Variants in DPYD observed in about 807,000 individuals in gnomAD.
DPYD encodes dihydropyrimidine dehydrogenase.
Under a neutral mutation model 116.2 loss-of-function variants are expected in DPYD, and 109 were observed. That is an observed-to-expected ratio of 0.94 (90% CI 0.80 to 1.10). The LOEUF (loss-of-function observed/expected upper bound fraction) is 1.10. DPYD is among the 50% of genes least tolerant of loss of function. The probability of loss-of-function intolerance (pLI) is 0.00; values close to 1 mark genes in which losing one functional copy is unlikely to be tolerated. For synonymous variants in DPYD, 440 were observed against 432.0 expected (o/e 1.02, Z -0.23); for missense variants, 1,302 against 1,254.5 (o/e 1.04, Z -0.57).
intron 2 of DPYD, among the ~76,000 whole-genome samples, chr1:97,868,638 C>T (rs1368785240): frequency 5.3e-5 from 8 of 151,656 alleles, no homozygotes. Context: ...TTCTATTTAA[C>T]AGTGAAAGAA....
chr1:97,171,889 T>C lies in DPYD; in HGVS notation c.2622+21180A>G, dbSNP rs932585542. Among the ~76,000 whole-genome samples, 5 of 152,280 alleles carry C rather than the reference T, an allele frequency of 3.3e-5. No individual in the cohort carries two copies. In the South Asian group the frequency reaches 1.0e-3, roughly 32 times the overall value. The stretch of plus-strand genomic sequence containing the variant: ...GGCTGTGCATTTCATGGGTGCAGTT[T>C]ATAGGCATCACCTGCAACTAGAATA... On this transcript the variant is annotated intron_variant, in intron 20 of 22. Coordinates refer to ENST00000370192, the MANE Select transcript of DPYD (RefSeq NM_000110.4).
intron 8 of DPYD, among the ~76,000 whole-genome samples, chr1:97,630,987 A>G (rs1209198661): frequency 1.3e-5 from 2 of 152,128 alleles, no homozygotes; most frequent in African/African-American, 4.8e-5. Context: ...GTTTCATTCC[A>G]GGTCCTCTAA....
At chr1:97,184,744 CTT>C (rs1323825691) in intron 20 of DPYD, among the ~76,000 whole-genome samples, 3 of 151,928 alleles carry the variant, frequency 2.0e-5, no homozygotes, top group African/African-American at 7.2e-5. Flanking sequence ...TATTATGAAA[CTT>C]TGTTAAATTC....
At chr1:97,399,681 T>G (rs1673244256) in intron 14 of DPYD, among the ~76,000 whole-genome samples, 1 of 152,104 alleles carries the variant, frequency 6.6e-6, no homozygotes, top group South Asian at 2.1e-4. Flanking sequence ...GTAAGTTGGA[T>G]TCCTAGGTAT....
chr1:97,848,184 G>C (rs567057356), intron 2 of DPYD, among the ~76,000 whole-genome samples: 1 of 152,012 alleles, frequency 6.6e-6, no homozygotes, highest in Non-Finnish European at 1.5e-5. Flanking sequence ...TGCAAGCTCC[G>C]CCTCCCGGGT....
chr1:97,465,161 T>C (rs1677246014), intron 13 of DPYD, among the ~76,000 whole-genome samples: 1 of 152,190 alleles, frequency 6.6e-6, no homozygotes, highest in Non-Finnish European at 1.5e-5. Flanking sequence ...TGTAGTCCCT[T>C]TGTTTTGGTC....
At chr1:97,160,806 C>CT (rs1021109867) in intron 20 of DPYD, among the ~76,000 whole-genome samples, 3 of 152,100 alleles carry the variant, frequency 2.0e-5, no homozygotes, top group African/African-American at 7.2e-5. Flanking sequence ...AAAAGCCTTA[C>CT]TTTACTTACT....
At chr1:97,507,435 C>A (rs1360164580) in intron 13 of DPYD, among the ~76,000 whole-genome samples, 1 of 139,544 alleles carries the variant, frequency 7.2e-6, no homozygotes, top group Non-Finnish European at 1.5e-5. Flanking sequence ...ATGCACTGGA[C>A]TATTGTTAAT....
At chr1:97,810,909 C>T (rs2101386958) in intron 3 of DPYD, among the ~76,000 whole-genome samples, 1 of 152,226 alleles carries the variant, frequency 6.6e-6, no homozygotes, top group South Asian at 2.1e-4. Context: ...CCAAGGTTGG[C>T]CCCTACCTAT....
intron 8 of DPYD, among the ~76,000 whole-genome samples, chr1:97,611,470 TA>T (rs541068277): frequency 4.6e-5 from 7 of 152,100 alleles, no homozygotes; most frequent in South Asian, 2.1e-4. Context: ...AGAGAAAAAA[TA>T]AAATATCTTA....
At chr1:97,374,808 T>C (rs1010883483) in intron 15 of DPYD, among the ~76,000 whole-genome samples, 8 of 148,558 alleles carry the variant, frequency 5.4e-5, no homozygotes, top group African/African-American at 2.0e-4. Flanking sequence ...GGTGGGAGGA[T>C]TGCCTGAGCT....
chr1:97,770,863 T>C (rs2101159644), intron 3 of DPYD, among the ~76,000 whole-genome samples: 1 of 152,302 alleles, frequency 6.6e-6, no homozygotes, highest in Middle Eastern at 3.4e-3. Flanking sequence ...GATGTGTTTG[T>C]GCATATGTAG....
chr1:97,121,443 T>G (rs569756181), intron 20 of DPYD, among the ~76,000 whole-genome samples: 1 of 152,192 alleles, frequency 6.6e-6, no homozygotes, highest in Non-Finnish European at 1.5e-5. Flanking sequence ...TCCAATGATA[T>G]GTAAGTATAC....
intron 8 of DPYD, among the ~76,000 whole-genome samples, chr1:97,624,163 G>A (rs1309148930): frequency 6.6e-6 from 1 of 151,988 alleles, no homozygotes; most frequent in Admixed American, 6.6e-5. Context: ...GCATTACCAA[G>A]GAAGCAATTA....
chr1:97,205,127 T>A (rs1301031301), intron 19 of DPYD, among the ~76,000 whole-genome samples: 1 of 152,120 alleles, frequency 6.6e-6, no homozygotes, highest in African/African-American at 2.4e-5. Flanking sequence ...AGATGGTACA[T>A]CTGTTACAGT....
At chr1:97,330,411 C>G (rs1371143397) in intron 16 of DPYD, among the ~76,000 whole-genome samples, 1 of 152,076 alleles carries the variant, frequency 6.6e-6, no homozygotes, top group Non-Finnish European at 1.5e-5. Context: ...TAGTAGTGGG[C>G]TGCATGTTAT....
intron 10 of DPYD, among the ~76,000 whole-genome samples, chr1:97,575,396 A>G (rs528661043): frequency 6.6e-6 from 1 of 152,296 alleles, no homozygotes; most frequent in South Asian, 2.1e-4. Context: ...TGGTATTAAA[A>G]TCATAGCAGG....
At chr1:97,180,063 T>G (rs915326767) in intron 20 of DPYD, among the ~76,000 whole-genome samples, 1 of 152,130 alleles carries the variant, frequency 6.6e-6, no homozygotes, top group Non-Finnish European at 1.5e-5. Flanking sequence ...CTGTTCAATA[T>G]CCATATCATC....
chr1:97,152,234 G>A (rs1282696547), intron 20 of DPYD, among the ~76,000 whole-genome samples: 2 of 152,076 alleles, frequency 1.3e-5, no homozygotes, highest in African/African-American at 2.4e-5. Context: ...AAGTTTCTAC[G>A]GATGTGGCTA....
Sources: gnomAD v4.1 joint callset for allele counts (sites outside exome capture counted in the v4.1 genomes callset) on GRCh38, gnomAD v4.1.1 for gene constraint, MANE v1.5 for transcripts, NCBI Gene and HGNC (gene_info 2026-07-23, HGNC 2026-07-21) for gene names.